Variants in SLC43A1 observed in about 807,000 individuals in gnomAD.
SLC43A1 encodes the protein solute carrier family 43 member 1.
A neutral mutation model predicts 59.5 loss-of-function variants in SLC43A1; 31 were observed. The ratio of observed to expected loss-of-function variants is 0.52; its 90% CI spans 0.39 to 0.70. The LOEUF is 0.70. SLC43A1 is among the 30% of genes least tolerant of loss of function. The pLI is 0.00. For synonymous variants in SLC43A1, 259 were observed against 290.9 expected (o/e 0.89, Z 1.12); for missense variants, 598 against 717.8 (o/e 0.83, Z 1.91).
chr11:57,507,426 C>T (rs562729094), intron 2 of SLC43A1, among the ~76,000 whole-genome samples: 37 of 152,144 alleles, frequency 2.4e-4, no homozygotes, highest in Non-Finnish European at 4.7e-4. Flanking sequence ...GCGGTGATTG[C>T]GCTGCTGCAC....
At chr11:57,512,891 G>A (rs1441917547) in intron 2 of SLC43A1, among the ~76,000 whole-genome samples, 6 of 152,048 alleles carry the variant, frequency 3.9e-5, no homozygotes, top group South Asian at 4.2e-4. Context: ...TGGAGCAGCC[G>A]CTGTTCAGAG....
Position 57,514,051 on chromosome 11 carries a change from G to C in SLC43A1, c.61C>G (p.Leu21Val), listed in dbSNP as rs774596176. 5 of 1,607,822 alleles carry C rather than the reference G, an allele frequency of 3.1e-6. No individual in the cohort carries two copies. The highest frequency in any genetic ancestry group is 4.2e-6 in the Non-Finnish European group (5 of 1,177,160). The stretch of plus-strand genomic sequence containing the variant: ...ACAGCAGAGAAGAAGAGGTTCTCCA[G>C]CACAGCCGTGCAGGCCATCCACCAG... ...RRWWMACTAV[L>V]ENLFFSAVLL... Residue 21 changes from leucine (L) to valine (V), a missense_variant, in exon 2 of 15, where the codon CTG becomes GTG. Physicochemically the swap from Leu to Val is conservative, Grantham distance 32. Coordinates refer to ENST00000278426, the MANE Select transcript of SLC43A1 (RefSeq NM_003627.6). The surrounding 1 kb of genome is among the most constrained non-coding windows in gnomAD (Gnocchi z 5.5).
intron 13 of SLC43A1, among the ~76,000 whole-genome samples, 172 bp from the exon 14 acceptor site, chr11:57,487,390 C>G (rs1943772384): frequency 6.6e-6 from 1 of 152,204 alleles, no homozygotes; most frequent in Admixed American, 6.5e-5. Flanking sequence ...AATGCTCCAA[C>G]TTCAGGGCCA....
At chr11:57,498,498 T>C (rs759353822) in intron 5 of SLC43A1, among the ~76,000 whole-genome samples, 18 of 152,228 alleles carry the variant, frequency 1.2e-4, no homozygotes, top group Non-Finnish European at 2.2e-4. Flanking sequence ...CCAACCCATT[T>C]GAGATGAGAC....
Position 57,501,165 on chromosome 11 carries a change from G to C in SLC43A1, c.319C>G (p.Arg107Gly), listed in dbSNP as rs769410310. Reference protein sequence around the residue: ...LMDRFGPRPVRLVGSACFTAS... With the variant: ...LMDRFGPRPVGLVGSACFTAS... ...CAGCCACCTCACCTGCCAACCAGCC[G>C]CACGGGTCGGGGGCCAAAGCGGTCC... The change falls in exon 3 of 15, where the codon CGG (arginine) becomes GGG (glycine). Residue 107 changes from arginine to glycine, a missense_variant. Coordinates refer to ENST00000278426, the MANE Select transcript of SLC43A1 (RefSeq NM_003627.6). 1.6e-5 allele frequency: 26 copies of C among 1,612,122 alleles called. No individual in the cohort carries two copies. The highest frequency in any genetic ancestry group is 2.0e-5 in the Non-Finnish European group (24 of 1,179,918).
intron 8 of SLC43A1, among the ~76,000 whole-genome samples, chr11:57,492,748 A>AC (rs1379847763): frequency 1.4e-5 from 2 of 146,340 alleles, no homozygotes; most frequent in African/African-American, 5.0e-5. Context: ...AAAAAAAAAA[A>AC]AAAAAAAACC....
intron 6 of SLC43A1, among the ~76,000 whole-genome samples, chr11:57,497,506 G>A (rs151206134): frequency 1.3e-5 from 2 of 152,366 alleles, no homozygotes; most frequent in African/African-American, 4.8e-5. Flanking sequence ...GTGTGAGCCA[G>A]TTCCCCATCT....
At chr11:57,491,674 C>T (rs762794798) in intron 9 of SLC43A1, 42 bp downstream of exon 9, 8 of 1,614,052 alleles carry the variant, frequency 5.0e-6, no homozygotes, top group South Asian at 3.3e-5. Context: ...CAGGGTGACC[C>T]GCCTGTGCCC....
At chr11:57,511,260 T>C (rs2511984) in intron 2 of SLC43A1, among the ~76,000 whole-genome samples, 120,891 of 151,780 alleles carry the variant, frequency 0.8, 48,508 homozygotes, top group East Asian at 0.9. Flanking sequence ...CCAGTCTCTA[T>C]AAAAAAATTT....
rs1943697361 is a variant in SLC43A1, at chr11:57,485,194, A to C, written c.1582T>G (p.Ser528Ala). 1 of 1,613,922 alleles carries C rather than the reference A, an allele frequency of 6.2e-7. No individual in the cohort carries two copies. The highest frequency in any genetic ancestry group is 8.5e-7 in the Non-Finnish European group (1 of 1,179,976). ...CGGGCACGGTAATAGAAGAGGTAGG[A>C]AGGCAACAGGAATCCCAGGAGTGAG... ...LFSLLGFLLP[S>A]YLFYYRARLQ... The change falls in exon 15 of 15, where the codon TCC becomes GCC. Residue 528 changes from serine (S) to alanine (A), a missense_variant. By Grantham distance (99) the Ser-to-Ala change is moderately conservative (BLOSUM62 1). Transcript: ENST00000278426.
At chr11:57,485,547 T>A (rs2135136854) in intron 14 of SLC43A1, among the ~76,000 whole-genome samples, 1 of 152,300 alleles carries the variant, frequency 6.6e-6, no homozygotes, top group South Asian at 2.1e-4. Flanking sequence ...CTGGTCAGGC[T>A]GCTCCCGAAA....
intron 14 of SLC43A1, among the ~76,000 whole-genome samples, chr11:57,485,915 G>C (rs936922025): frequency 6.6e-6 from 1 of 152,272 alleles, no homozygotes; most frequent in Non-Finnish European, 1.5e-5. Flanking sequence ...GAGGGTTTAC[G>C]TGTGGGTGGC....
At chr11:57,500,921 G>T (rs1368341133) in intron 4 of SLC43A1, 66 bp from the exon 5 acceptor site, 7 of 1,603,824 alleles carry the variant, frequency 4.4e-6, no homozygotes, top group African/African-American at 1.3e-5. Context: ...GCGGGAGCTG[G>T]GGTAAACATC....
chr11:57,494,453 C>T (rs1590755668), intron 7 of SLC43A1: 1 of 438,192 alleles, frequency 2.3e-6, no homozygotes, highest in Non-Finnish European at 4.0e-6. Flanking sequence ...CAGAGTCAGA[C>T]AGCCTGCGTC....
At chr11:57,507,839 C>T (rs1382644764) in intron 2 of SLC43A1, among the ~76,000 whole-genome samples, 1 of 152,156 alleles carries the variant, frequency 6.6e-6, no homozygotes, top group Non-Finnish European at 1.5e-5. Flanking sequence ...AACAGCAAAG[C>T]CAGGTTCAGA....
chr11:57,512,760 A>AC (rs1223660432), intron 2 of SLC43A1, among the ~76,000 whole-genome samples: 2 of 148,676 alleles, frequency 1.3e-5, no homozygotes, highest in Non-Finnish European at 3.0e-5. Flanking sequence ...TGCCAACCCC[A>AC]CCTCCTCCAG....
intron 2 of SLC43A1, among the ~76,000 whole-genome samples, chr11:57,504,771 C>A (rs1944352307): frequency 6.6e-6 from 1 of 152,234 alleles, no homozygotes; most frequent in Non-Finnish European, 1.5e-5. Context: ...GACATGTGCT[C>A]TTCCACTAAC....
At chr11:57,512,320 G>A (rs1367442245) in intron 2 of SLC43A1, among the ~76,000 whole-genome samples, 1 of 152,104 alleles carries the variant, frequency 6.6e-6, no homozygotes, top group Non-Finnish European at 1.5e-5. Context: ...GGCCAAGAGT[G>A]GTGGCTCATG....
At chr11:57,504,378 G>T (rs1414899393) in intron 2 of SLC43A1, among the ~76,000 whole-genome samples, 2 of 152,058 alleles carry the variant, frequency 1.3e-5, no homozygotes, top group African/African-American at 4.8e-5. Context: ...CAAATGCCTG[G>T]CCTCAGCTGG....
Sources: allele counts gnomAD v4.1 joint callset (sites outside exome capture counted in the v4.1 genomes callset), GRCh38; gene constraint gnomAD v4.1.1; non-coding constraint Gnocchi (gnomAD v3.1); transcripts MANE v1.5; gene names NCBI Gene and HGNC (gene_info 2026-07-23, HGNC 2026-07-21).